ITGAL: variants seen among roughly 807,000 people sequenced by gnomAD.
ITGAL encodes the protein integrin alpha-L.
A neutral mutation model predicts 138.4 loss-of-function variants in ITGAL; 68 were observed. The observed-to-expected ratio is 0.49, with a 90% confidence interval of 0.40 to 0.60. ITGAL has a LOEUF of 0.60. Among genes scored for constraint, ITGAL ranks in the 20% least tolerant of loss-of-function variants. The pLI is 0.00. For missense variants in ITGAL, 1,256 were observed against 1,478.6 expected (o/e 0.85, Z 2.47); for synonymous variants, 561 against 584.3 (o/e 0.96, Z 0.57).
At chr16:30,496,808 A>AT (rs11432747) in intron 15 of ITGAL, among the ~76,000 whole-genome samples, 86,585 of 137,752 alleles carry the variant, frequency 0.63, 27,744 homozygotes, top group East Asian at 0.98. Context: ...CACCTGGCTA[A>AT]TTTTTTTTTT....
chr16:30,483,711 G>T, intron 7 of ITGAL, 116 bp from the exon 8 acceptor site: 1 of 1,138,016 alleles, frequency 8.8e-7, no homozygotes. Context: ...CGGCCTGGGA[G>T]ATCCAGGAAG....
At chr16:30,499,733 A>ATTTTTTT (rs1193634387) in intron 17 of ITGAL, among the ~76,000 whole-genome samples, 19 of 88,342 alleles carry the variant, frequency 2.2e-4, no homozygotes, top group African/African-American at 1.1e-3. Flanking sequence ...ATATATATAT[A>ATTTTTTT]TTTTTTTTTT....
chr16:30,484,279 T>C lies in ITGAL; in HGVS notation c.1006+16T>C. On this transcript the variant is annotated intron_variant, in intron 9 of 30. Transcript: ENST00000356798. ...GTCATTGAGGGTGAGTGGCAGGCCC[T>C]GGGAGAGGGCTCGGGAGTCTGCATA... The C allele has an allele frequency of 7.5e-6, 12 of 1,608,758 alleles. No homozygotes were observed. Among genetic ancestry groups the C allele is most frequent in the Non-Finnish European group, 9.4e-6 (11 of 1,176,102 alleles).
rs776119633 is a variant in ITGAL at position 30,521,512 on chromosome 16, C to T, written c.3360C>T (p.Asn1120=). Residue 1120 remains asparagine (N), a synonymous_variant, in exon 31 of 31, where the codon AAC becomes AAT. Transcript: ENST00000356798. ...VLYKVGFFKR[N]LKEKMEAGRG... ...TACAGGTTGGTTTCTTCAAACGGAACCTGAAGGAGAAGATGGAGGCTGGCA... is the reference window on the plus strand; with the variant it reads ...TACAGGTTGGTTTCTTCAAACGGAATCTGAAGGAGAAGATGGAGGCTGGCA... The T allele has an allele frequency of 8.1e-6, 13 of 1,613,890 alleles. No homozygotes were observed. The South Asian group carries it at 9.9e-5, about 12-fold the overall frequency.
Position 30,479,133 on chromosome 16 carries a change from T to C in ITGAL, c.370T>C (p.Tyr124His). The part of the protein sequence containing the change: ...GLSRTCDQNT[Y>H]LSGLCYLFRQ... ...GTCTCGAACGTGTGACCAGAACACC[T>C]ATCTGAGTGGCCTGTGTTACCTCTT... Residue 124 changes from tyrosine (Y) to histidine (H), a missense_variant, in exon 5 of 31, where the codon TAT (tyrosine) becomes CAT (histidine). This residue lies in a region of ITGAL where 212 missense variants were observed against 217.4 expected (regional missense o/e 0.98). Transcript: ENST00000356798. 1 of 1,614,152 alleles carries C rather than the reference T, an allele frequency of 6.2e-7. No individual in the cohort carries two copies. Among genetic ancestry groups the C allele is most frequent in the Non-Finnish European group, 8.5e-7 (1 of 1,180,030 alleles).
Position 30,513,738 on chromosome 16 carries a change from C to T in ITGAL, c.2787-33C>T, listed in dbSNP as rs554888534. 31 of 1,574,320 alleles carry T rather than the reference C, an allele frequency of 2.0e-5. No individual in the cohort carries two copies. The Admixed American group carries it at 3.2e-4, about 16-fold the overall frequency. ...CCTGGAGCCCGGGTTGCTGTCACTT[C>T]GTTCTTCCATCGCTGCCCTTCTCTC... is the stretch of plus-strand genomic sequence containing the variant. On this transcript the variant is annotated intron_variant, in intron 24 of 30. Coordinates refer to ENST00000356798, the MANE Select transcript of ITGAL (RefSeq NM_002209.3).
intron 1 of ITGAL, among the ~76,000 whole-genome samples, chr16:30,473,672 T>C (rs909369578): frequency 2.6e-5 from 4 of 152,214 alleles, no homozygotes; most frequent in Admixed American, 2.0e-4. Context: ...CCAGGGCGCC[T>C]GGGCAGGCTG....
intron 21 of ITGAL, among the ~76,000 whole-genome samples, chr16:30,508,209 A>AT (rs71149036): frequency 0.019 from 1,846 of 95,068 alleles, 39 homozygotes; most frequent in African/African-American, 0.039. Context: ...CGCCCGGCCT[A>AT]TTTTTTTTTT....
intron 15 of ITGAL, 61 bp from the exon 16 acceptor site, chr16:30,499,013 A>G: frequency 6.5e-7 from 1 of 1,549,552 alleles, no homozygotes; most frequent in Non-Finnish European, 8.8e-7. Context: ...GGAGCCCCAC[A>G]TCTGAGGGGG....
chr16:30,504,055 G>C (rs765937634), intron 17 of ITGAL, 120 bp from the exon 18 acceptor site: 4 of 767,024 alleles, frequency 5.2e-6, no homozygotes, highest in Non-Finnish European at 9.0e-6. Flanking sequence ...TACTGGTAGG[G>C]TCTTAGACAA....
At chr16:30,511,810 T>G (rs930639786) in intron 24 of ITGAL, among the ~76,000 whole-genome samples, 7 of 152,196 alleles carry the variant, frequency 4.6e-5, no homozygotes, top group African/African-American at 1.4e-4. Context: ...GTAACTGAAC[T>G]CTGGTCTGGC....
At chr16:30,487,081 C>G (rs915575444) in intron 9 of ITGAL, among the ~76,000 whole-genome samples, 3 of 146,018 alleles carry the variant, frequency 2.1e-5, no homozygotes. Flanking sequence ...AGGTGGAGTT[C>G]ACAGTGAGCC....
intron 18 of ITGAL, 86 bp from the exon 19 acceptor site, chr16:30,505,158 C>A: frequency 7.5e-7 from 1 of 1,330,548 alleles, no homozygotes; most frequent in Non-Finnish European, 1.0e-6. Flanking sequence ...TTGAGCTAAG[C>A]CCCTGCCCCT....
intron 29 of ITGAL, among the ~76,000 whole-genome samples, chr16:30,518,924 C>T (rs561307517): frequency 1.0e-3 from 154 of 152,150 alleles, no homozygotes; most frequent in African/African-American, 3.6e-3. Context: ...ACTTATGTGT[C>T]GAGTAAAGTT....
chr16:30,481,802 T>G (rs2050563270), intron 7 of ITGAL, among the ~76,000 whole-genome samples: 1 of 152,192 alleles, frequency 6.6e-6, no homozygotes, highest in Non-Finnish European at 1.5e-5. Flanking sequence ...CTAAGCCAGG[T>G]GCACAGTCTG....
intron 11 of ITGAL, among the ~76,000 whole-genome samples, chr16:30,489,704 G>A (rs373542412): frequency 2.6e-5 from 4 of 152,154 alleles, no homozygotes; most frequent in African/African-American, 7.2e-5. Context: ...GGGAGGCTGA[G>A]GCAGGTGGAT....
At chr16:30,473,913 G>C in intron 1 of ITGAL, 1 of 572,840 alleles carries the variant, frequency 1.7e-6, no homozygotes. Flanking sequence ...GGGCCCCTTG[G>C]GTCTGCTCCT....
chr16:30,481,143 A>AACACACACACACACAC (rs60456127), intron 6 of ITGAL: 1 of 210,738 alleles, frequency 4.7e-6, no homozygotes, highest in African/African-American at 2.8e-5. Context: ...CTCTACTAAA[A>AACACACACACACACAC]ACACACACAC....
intron 11 of ITGAL, among the ~76,000 whole-genome samples, chr16:30,493,298 G>C (rs1433895419): frequency 3.6e-5 from 2 of 54,974 alleles, no homozygotes; most frequent in Non-Finnish European, 7.6e-5. Flanking sequence ...TATTTATTTT[G>C]AGACGGAGTC....
Sources: gnomAD v4.1 joint callset for allele counts (sites outside exome capture counted in the v4.1 genomes callset) on GRCh38, gnomAD v4.1.1 for gene constraint, gnomAD v4.1.1 regional missense constraint, MANE v1.5 for transcripts, NCBI Gene and HGNC (gene_info 2026-07-23, HGNC 2026-07-21) for gene names.